The following PTPRD variants were observed in gnomAD, a reference collection of about 807,000 sequenced individuals.
PTPRD encodes receptor-type tyrosine-protein phosphatase delta.
In PTPRD, 34 loss-of-function variants were observed where a neutral mutation model predicts 214.5. The observed-to-expected ratio is 0.16, with a 90% CI of 0.12 to 0.21. The LOEUF (loss-of-function observed/expected upper bound fraction) is 0.21. Among genes scored for constraint, PTPRD ranks in the 10% least tolerant of loss-of-function variants. The pLI is 1.00. For synonymous variants in PTPRD, 1,128 were observed against 845.7 expected (o/e 1.33, Z -5.79); for missense variants, 2,545 against 2,398.7 (o/e 1.06, Z -1.27).
intron 11 of PTPRD, among the ~76,000 whole-genome samples, chr9:8,798,109 T>C (rs919876235): frequency 6.6e-6 from 1 of 152,186 alleles, no homozygotes; most frequent in Non-Finnish European, 1.5e-5. Flanking sequence ...TCTCCTTTTT[T>C]ACTTCATTAT....
intron 11 of PTPRD, among the ~76,000 whole-genome samples, chr9:9,003,906 T>C (rs2099438500): frequency 6.6e-6 from 1 of 152,114 alleles, no homozygotes. Flanking sequence ...ATGTGATTTG[T>C]TGTCTTTTAA....
chr9:9,259,756 G>A (rs1426870461), intron 9 of PTPRD, among the ~76,000 whole-genome samples: 2 of 151,898 alleles, frequency 1.3e-5, no homozygotes, highest in African/African-American at 4.8e-5. Flanking sequence ...CGCAGATCAG[G>A]TGGAGAAGAA....
intron 7 of PTPRD, among the ~76,000 whole-genome samples, chr9:9,608,864 A>G (rs940398682): frequency 1.3e-5 from 2 of 151,958 alleles, no homozygotes; most frequent in Non-Finnish European, 2.9e-5. Context: ...TTCTTTCCTG[A>G]CTCATTGCCT....
chr9:9,383,565 A>C (rs1005053784), intron 9 of PTPRD, among the ~76,000 whole-genome samples: 14 of 152,188 alleles, frequency 9.2e-5, no homozygotes, highest in Non-Finnish European at 4.4e-5. Flanking sequence ...GCTTTAAGCA[A>C]TACATTATTA....
chr9:8,878,742 G>T (rs1308081944), intron 11 of PTPRD, among the ~76,000 whole-genome samples: 1 of 152,094 alleles, frequency 6.6e-6, no homozygotes, highest in Admixed American at 6.6e-5. Flanking sequence ...TTGCCCTGCT[G>T]GTCTTGAATG....
At chr9:10,139,968 T>C (rs756870956) in intron 3 of PTPRD, among the ~76,000 whole-genome samples, 11 of 152,198 alleles carry the variant, frequency 7.2e-5, no homozygotes, top group South Asian at 6.2e-4. Context: ...TTTCTTGATA[T>C]CAGCCTTGGC....
chr9:10,366,554 A>C (rs1391598072), intron 2 of PTPRD, among the ~76,000 whole-genome samples: 3 of 152,168 alleles, frequency 2.0e-5, no homozygotes, highest in Admixed American at 1.3e-4. Context: ...CTTAAGACTA[A>C]ATAGAACTTT....
At chr9:8,446,032 C>G (rs2095711540) in intron 34 of PTPRD, among the ~76,000 whole-genome samples, 1 of 152,146 alleles carries the variant, frequency 6.6e-6, no homozygotes, top group Non-Finnish European at 1.5e-5. Flanking sequence ...TGATTCTTGT[C>G]TAAAAGTTTG....
At position 10,449,272 on chromosome 9, in the gene PTPRD, G is replaced by A. The variant is rs7026802; in HGVS notation, c.-599-108255C>T. On this transcript the variant is annotated intron_variant, in intron 2 of 45. Transcript: ENST00000381196. ...GCCGGGCTGGTCTCCAGCTCCTGACGGCGAGTGATCTGCCCACCTGGGCCT... is the reference window on the plus strand; with the variant it reads ...GCCGGGCTGGTCTCCAGCTCCTGACAGCGAGTGATCTGCCCACCTGGGCCT... Among the ~76,000 whole-genome samples, 423 of 150,398 alleles carry A rather than the reference G, an allele frequency of 2.8e-3. 9 individuals are homozygous for A. Among genetic ancestry groups the A allele is most frequent in the African/African-American group, 8.6e-3 (344 of 40,048 alleles).
chr9:9,147,678 C>T (rs967588881), intron 10 of PTPRD, among the ~76,000 whole-genome samples: 1 of 152,110 alleles, frequency 6.6e-6, no homozygotes, highest in Non-Finnish European at 1.5e-5. Context: ...TGAGCAATTG[C>T]TTGCCACAGA....
chr9:9,498,830 G>C (rs148117920), intron 8 of PTPRD, among the ~76,000 whole-genome samples: 157 of 152,186 alleles, frequency 1.0e-3, no homozygotes, highest in African/African-American at 3.5e-3. Flanking sequence ...TACCCAATTA[G>C]AACATATCTG....
chr9:8,861,396 CAG>C (rs2098102432), intron 11 of PTPRD: 1 of 152,168 alleles, frequency 6.6e-6, no homozygotes, highest in African/African-American at 2.4e-5. Flanking sequence ...GGAAAAAACA[CAG>C]AGTGCATTAT....
chr9:8,743,647 T>G (rs2092397095), intron 11 of PTPRD, among the ~76,000 whole-genome samples: 1 of 152,048 alleles, frequency 6.6e-6, no homozygotes, highest in Non-Finnish European at 1.5e-5. Context: ...ACCGTAACAA[T>G]TCTAGAAGAT....
intron 10 of PTPRD, among the ~76,000 whole-genome samples, chr9:9,097,540 C>G (rs1343027583): frequency 1.3e-5 from 2 of 151,978 alleles, no homozygotes; most frequent in African/African-American, 4.8e-5. Context: ...TCCCAAGCAG[C>G]TGGGACTACA....
intron 2 of PTPRD, among the ~76,000 whole-genome samples, chr9:10,402,516 G>GA (rs1367416777): frequency 6.6e-6 from 1 of 151,602 alleles, no homozygotes; most frequent in Non-Finnish European, 1.5e-5. Context: ...GAAGATTTCT[G>GA]AAAAACATCT....
intron 10 of PTPRD, among the ~76,000 whole-genome samples, chr9:9,088,435 C>G (rs2154429619): frequency 6.6e-6 from 1 of 151,242 alleles, no homozygotes; most frequent in East Asian, 2.0e-4. Context: ...TAAAAATTAG[C>G]TGGGCATGGT....
At chr9:9,669,171 C>T (rs1232002033) in intron 7 of PTPRD, among the ~76,000 whole-genome samples, 1 of 152,090 alleles carries the variant, frequency 6.6e-6, no homozygotes, top group Admixed American at 6.6e-5. Flanking sequence ...GATTATAAAT[C>T]ATGCTGCTAT....
intron 14 of PTPRD, among the ~76,000 whole-genome samples, chr9:8,595,338 A>G (rs7020239): frequency 0.22 from 34,025 of 152,066 alleles, 3,825 homozygotes; most frequent in Middle Eastern, 0.3. Context: ...GTTGACATAC[A>G]AAACCATATA....
chr9:8,365,644 G>C (rs2079641525), intron 39 of PTPRD, among the ~76,000 whole-genome samples: 1 of 152,130 alleles, frequency 6.6e-6, no homozygotes, highest in South Asian at 2.1e-4. Context: ...TCATAAATGA[G>C]TTGTTGTTTT....
Sources: gnomAD v4.1 joint callset for allele counts (sites outside exome capture counted in the v4.1 genomes callset) on GRCh38, gnomAD v4.1.1 for gene constraint, MANE v1.5 for transcripts, NCBI Gene and HGNC (gene_info 2026-07-23, HGNC 2026-07-21) for gene names.